The following EPB41 variants were observed in gnomAD, a reference collection of about 807,000 sequenced individuals.
The protein encoded by EPB41 is erythrocyte membrane protein band 4.1, also known as protein 4.1.
A neutral mutation model predicts 108.0 loss-of-function variants in EPB41; 65 were observed. The ratio of observed to expected loss-of-function variants is 0.60; its 90% CI spans 0.49 to 0.74. The LOEUF (loss-of-function observed/expected upper bound fraction) is 0.74, where lower values mean the gene tolerates loss of function less well. EPB41 is among the 30% of genes least tolerant of loss of function. EPB41 has a pLI of 0.00. For synonymous variants in EPB41, 336 were observed against 358.9 expected, an observed-to-expected ratio of 0.94 and a Z score of 0.72; for missense variants, 875 against 1,037.0, an observed-to-expected ratio of 0.84 and a Z score of 2.15.
At position 29,018,641 on chromosome 1, in the gene EPB41, A is replaced by G. The variant is rs567405366; in HGVS notation, c.1124+199A>G. Among the ~76,000 whole-genome samples the G allele has an allele frequency of 1.3e-5, 2 of 152,322 alleles. No individual in the cohort carries two copies. The highest frequency in any genetic ancestry group is 4.8e-5 in the African/African-American group (2 of 41,572). ...ATCAGAGTAATAGGCATTGCATTGTAGGGTGAAAACTAAATGAGGTAATAT... is the reference window on the plus strand; with the variant it reads ...ATCAGAGTAATAGGCATTGCATTGTGGGGTGAAAACTAAATGAGGTAATAT... On this transcript the variant is annotated intron_variant, in intron 7 of 20. Coordinates refer to ENST00000343067, the MANE Select transcript of EPB41 (RefSeq NM_001376013.1). This position sits in a 1 kb window ranked among gnomAD's most constrained non-coding sequence, Gnocchi z 4.4.
intron 20 of EPB41, among the ~76,000 whole-genome samples, chr1:29,116,130 T>A (rs900826819): frequency 2.0e-5 from 3 of 148,942 alleles, no homozygotes; most frequent in Middle Eastern, 3.5e-3. Context: ...CTGCTCTGCT[T>A]GCTGCTGTCA....
intron 1 of EPB41, among the ~76,000 whole-genome samples, chr1:28,953,848 G>C (rs2094840737): frequency 6.6e-6 from 1 of 152,208 alleles, no homozygotes; most frequent in Non-Finnish European, 1.5e-5. Context: ...TGGAAGGCTT[G>C]CAGACAGATT....
chr1:28,914,344 CCTCT>C (rs1009436237), upstream of EPB41, among the ~76,000 whole-genome samples: 30 of 152,348 alleles, frequency 2.0e-4, no homozygotes, highest in African/African-American at 7.0e-4. Flanking sequence ...CTTGCCTTTT[CCTCT>C]CTCTTTTTCG....
At chr1:28,992,571 C>T (rs915317390) in intron 2 of EPB41, among the ~76,000 whole-genome samples, 1 of 152,120 alleles carries the variant, frequency 6.6e-6, no homozygotes, top group African/African-American at 2.4e-5. Flanking sequence ...CGCCTGTAGT[C>T]CCAGCTATTC....
Position 29,109,476 on chromosome 1 carries a change from G to A in EPB41, c.2415+39G>A, listed in dbSNP as rs368098815. The A allele has an allele frequency of 1.9e-6, 3 of 1,564,140 alleles. No homozygotes were observed. In the Admixed American group the frequency reaches 5.0e-5, roughly 26 times the overall value. On this transcript the variant is annotated intron_variant, in intron 18 of 20. Coordinates refer to ENST00000343067, the MANE Select transcript of EPB41 (RefSeq NM_001376013.1). ...TAGAACCTCTTTATGGAACCCAGGG[G>A]CAGGCTAAGCTTGCTGCCACCTCTC... is the stretch of plus-strand genomic sequence containing the variant.
At chr1:28,975,090 G>C (rs2095572731) in intron 1 of EPB41, among the ~76,000 whole-genome samples, 1 of 151,238 alleles carries the variant, frequency 6.6e-6, no homozygotes, top group African/African-American at 2.4e-5. Context: ...ACCGTGCCTG[G>C]CCAATTTTTT....
chr1:28,887,241 C>T lies in EPB41; in HGVS notation c.-8+31C>T, dbSNP rs1436318327. ...CCTGGACCACCTGGGGGGCGACCCT[C>T]GGTCCCCGGGAGGGACGGGGTTAGG... On this transcript the variant is annotated intron_variant, in intron 1 of 16. Transcript: ENST00000347529. This position sits in a 1 kb window ranked among gnomAD's most constrained non-coding sequence, Gnocchi z 4.9. The T allele has an allele frequency of 6.3e-6, 8 of 1,279,270 alleles. No individual in the cohort carries two copies. Among genetic ancestry groups the T allele is most frequent in the South Asian group, 1.2e-5 (1 of 80,558 alleles). 79.2% of individuals were successfully genotyped at this position (1,279,270 alleles called of 1,614,324 possible). A position where few individuals can be genotyped will look rare whatever the true frequency, so the allele number is the denominator to read the frequency against.
At chr1:28,914,915 C>G (rs2092485708) in intron 1 of EPB41, 147 bp downstream of exon 1, 1 of 152,158 alleles carries the variant, frequency 6.6e-6, no homozygotes, top group Non-Finnish European at 1.5e-5. Context: ...CGGGCTCTCC[C>G]GCGGAGGAGC....
chr1:28,989,926 TTAA>T (rs974711277), intron 2 of EPB41, among the ~76,000 whole-genome samples: 1 of 152,168 alleles, frequency 6.6e-6, no homozygotes, highest in African/African-American at 2.4e-5. Flanking sequence ...CATTCATATC[TTAA>T]TAACATTTTA....
At chr1:28,939,344 A>G (rs1041307943) in intron 1 of EPB41, among the ~76,000 whole-genome samples, 21 of 152,048 alleles carry the variant, frequency 1.4e-4, no homozygotes, top group African/African-American at 5.1e-4. Flanking sequence ...CCTGGGATAA[A>G]TTTCATTTGG....
chr1:28,936,512 T>G (rs1210941186), intron 1 of EPB41, among the ~76,000 whole-genome samples: 3 of 152,216 alleles, frequency 2.0e-5, no homozygotes, highest in African/African-American at 7.2e-5. Context: ...TCCAGAACAT[T>G]TTCATTACTC....
At chr1:29,111,488 C>T (rs1486460682) in intron 18 of EPB41, among the ~76,000 whole-genome samples, 1 of 151,526 alleles carries the variant, frequency 6.6e-6, no homozygotes, top group Non-Finnish European at 1.5e-5. Flanking sequence ...CCCGTCTCTA[C>T]TAAAAATAGA....
rs2090055268 is a variant in EPB41 at position 28,891,000 on chromosome 1, G to A, written c.-8+3790G>A. On this transcript the variant is annotated intron_variant, in intron 1 of 16. Coordinates refer to the EPB41 transcript ENST00000347529. ...CAAGCTGTGCTGCCTCTGTTGGGTG[G>A]CCCCTGGGGCCAGCATAGAGAGAAA... 2.0e-6 allele frequency: 2 copies of A among 985,430 alleles called. 1 individual carries two copies. Among genetic ancestry groups the A allele is most frequent in the South Asian group, 9.4e-5 (2 of 21,288 alleles). The allele number at this position is 985,430 out of a possible 1,614,324, so 61.0% of individuals were successfully genotyped here. A position where few individuals can be genotyped will look rare whatever the true frequency, so the allele number is the denominator to read the frequency against.
At chr1:28,955,460 G>T (rs1288038990) in intron 1 of EPB41, among the ~76,000 whole-genome samples, 1 of 151,996 alleles carries the variant, frequency 6.6e-6, no homozygotes, top group Non-Finnish European at 1.5e-5. Flanking sequence ...TTCTGCCTCA[G>T]CCTCCCGAGT....
At chr1:29,041,147 TTAAATAAATAAATAAATAAA>T (rs35491137) in intron 11 of EPB41, 13 of 141,262 alleles carry the variant, frequency 9.2e-5, no homozygotes, top group South Asian at 4.7e-4. Flanking sequence ...AATAAATAAA[TTAAATAAATAAATAAATAAA>T]TAAATAAATA....
chr1:28,971,792 A>G (rs2095501721), intron 1 of EPB41, among the ~76,000 whole-genome samples: 1 of 152,226 alleles, frequency 6.6e-6, no homozygotes, highest in Non-Finnish European at 1.5e-5. Context: ...AATGATGACT[A>G]AATCAATAAC....
At chr1:28,934,393 G>A (rs2093894032) in intron 1 of EPB41, among the ~76,000 whole-genome samples, 1 of 152,024 alleles carries the variant, frequency 6.6e-6, no homozygotes, top group Non-Finnish European at 1.5e-5. Flanking sequence ...TTAGATGAAA[G>A]TCACTATGCA....
At chr1:29,044,496 T>C (rs1285215163) in intron 11 of EPB41, among the ~76,000 whole-genome samples, 3 of 152,146 alleles carry the variant, frequency 2.0e-5, no homozygotes, top group African/African-American at 7.2e-5. Flanking sequence ...TTAAGATGTA[T>C]GGTCTTAACT....
At chr1:29,092,888 C>CT (rs1380548083) in intron 16 of EPB41, among the ~76,000 whole-genome samples, 1 of 152,140 alleles carries the variant, frequency 6.6e-6, no homozygotes, top group East Asian at 1.9e-4. Context: ...TGAGCTCGTT[C>CT]TTTTTTATGG....
Sources: allele counts gnomAD v4.1 joint callset (sites outside exome capture counted in the v4.1 genomes callset), GRCh38; gene constraint gnomAD v4.1.1; non-coding constraint Gnocchi (gnomAD v3.1); transcripts MANE v1.5; gene names NCBI Gene and HGNC (gene_info 2026-07-23, HGNC 2026-07-21).